SPATS2: variants seen among roughly 807,000 people sequenced by gnomAD.
The protein encoded by SPATS2 is spermatogenesis-associated serine-rich protein 2.
SPATS2 carries 38 observed loss-of-function variants against 63.7 expected under a neutral mutation model. That is an observed-to-expected ratio of 0.60 (90% CI 0.46 to 0.78). SPATS2 has a LOEUF of 0.78. Ranked by LOEUF, SPATS2 falls within the 30% of genes least tolerant of loss-of-function variation. SPATS2 has a pLI of 0.00. For synonymous variants in SPATS2, 207 were observed against 232.9 expected, an observed-to-expected ratio of 0.89 and a Z score of 1.01; for missense variants, 588 against 666.2, an observed-to-expected ratio of 0.88 and a Z score of 1.29.
In SPATS2 at chr12:49,526,131, C is replaced by G. The variant is rs370801278; in HGVS notation, c.1514C>G (p.Thr505Ser). The G allele has an allele frequency of 1.9e-6, 3 of 1,614,082 alleles. No homozygotes were observed. The highest frequency in any genetic ancestry group is 2.5e-6 in the Non-Finnish European group (3 of 1,180,058). The change falls in exon 14 of 14, where the codon ACT becomes AGT. Residue 505 changes from threonine to serine, a missense_variant. Coordinates refer to ENST00000552918, the MANE Select transcript of SPATS2 (RefSeq NM_023071.4). ...GGAAACACCATTGAAAGAGGCCAGA[C>G]TCACTCTGCAGGGACCAATGGAACT... is the stretch of plus-strand genomic sequence containing the variant. ...APGNTIERGQ[T>S]HSAGTNGTGV... is the part of the protein sequence containing the mutation.
chr12:49,449,988 G>GAT (rs1945589601), intron 2 of SPATS2, among the ~76,000 whole-genome samples: 1 of 152,018 alleles, frequency 6.6e-6, no homozygotes. Flanking sequence ...TTGTTTGGTG[G>GAT]ATATATATTT....
intron 11 of SPATS2, 86 bp from the exon 12 acceptor site, chr12:49,522,665 A>G: frequency 9.4e-7 from 1 of 1,067,314 alleles, no homozygotes; most frequent in South Asian, 1.6e-5. Flanking sequence ...GACAATTGAA[A>G]ATGATTGTTT....
intron 5 of SPATS2, chr12:49,490,370 A>G (rs953946651): frequency 4.1e-6 from 1 of 244,026 alleles, no homozygotes; most frequent in Non-Finnish European, 7.8e-6. Flanking sequence ...CCAGTGTGCC[A>G]TCCCCTTTGT....
chr12:49,472,611 T>TTATA (rs139641031), intron 3 of SPATS2, among the ~76,000 whole-genome samples: 9,625 of 145,036 alleles, frequency 0.066, 368 homozygotes, highest in South Asian at 0.079. Flanking sequence ...TTTATATATT[T>TTATA]TATATATATA....
chr12:49,439,351 C>A (rs1945375645), intron 2 of SPATS2, among the ~76,000 whole-genome samples: 1 of 152,112 alleles, frequency 6.6e-6, no homozygotes, highest in Non-Finnish European at 1.5e-5. Context: ...GTGACATGAT[C>A]TGAGTTGTTT....
At chr12:49,494,701 CTTTCTTTTCT>C (rs760927933) in intron 6 of SPATS2, 30 bp from the exon 7 acceptor site, 54 of 1,469,350 alleles carry the variant, frequency 3.7e-5, no homozygotes, top group Non-Finnish European at 4.5e-5. Context: ...GGAATCTTTT[CTTTCTTTTCT>C]TTTCTTTTTC....
intron 11 of SPATS2, among the ~76,000 whole-genome samples, 166 bp downstream of exon 11, chr12:49,519,348 C>T (rs1946900298): frequency 6.6e-6 from 1 of 152,182 alleles, no homozygotes; most frequent in Non-Finnish European, 1.5e-5. Context: ...ATCATCTACC[C>T]AGTTGTCCCA....
At chr12:49,450,151 C>G (rs1324152633) in intron 2 of SPATS2, among the ~76,000 whole-genome samples, 3 of 151,446 alleles carry the variant, frequency 2.0e-5, no homozygotes, top group African/African-American at 7.3e-5. Context: ...GTGTTTGAAT[C>G]TATGGTGTGT....
chr12:49,445,805 G>A (rs370256204), intron 2 of SPATS2, among the ~76,000 whole-genome samples: 6 of 152,094 alleles, frequency 3.9e-5, no homozygotes, highest in South Asian at 2.1e-4. Flanking sequence ...ATAGACAGGC[G>A]TGAGCCATCG....
Position 49,493,903 on chromosome 12 carries a change from A to G in SPATS2, c.265-838A>G, listed in dbSNP as rs1366849779. ...AGCTTATTCCATGTCTCAATATATA[A>G]AGAGCTTTCTTGTTTTTATGGATAC... On this transcript the variant is annotated intron_variant, in intron 6 of 13. Coordinates refer to ENST00000552918, the MANE Select transcript of SPATS2 (RefSeq NM_023071.4). Among the ~76,000 whole-genome samples the G allele has an allele frequency of 2.0e-5, 3 of 152,214 alleles. No individual in the cohort carries two copies. The East Asian group carries it at 5.8e-4, about 29-fold the overall frequency.
chr12:49,484,252 T>G (rs1946252557), intron 3 of SPATS2, among the ~76,000 whole-genome samples: 1 of 152,240 alleles, frequency 6.6e-6, no homozygotes, highest in Non-Finnish European at 1.5e-5. Flanking sequence ...TCTTTAGTGT[T>G]AAATTTTACC....
intron 8 of SPATS2, among the ~76,000 whole-genome samples, chr12:49,498,484 G>A (rs1946506538): frequency 6.6e-6 from 1 of 152,032 alleles, no homozygotes; most frequent in Admixed American, 6.6e-5. Flanking sequence ...ATTTTGTAAT[G>A]TCCACATGGT....
chr12:49,458,731 C>CTT, intron 2 of SPATS2, among the ~76,000 whole-genome samples: 1 of 142,936 alleles, frequency 7.0e-6, no homozygotes, highest in African/African-American at 2.6e-5. Flanking sequence ...AATTCCATCT[C>CTT]GTTTTTTTTT....
At chr12:49,400,452 T>C (rs1364705894) in intron 2 of SPATS2, among the ~76,000 whole-genome samples, 1 of 152,184 alleles carries the variant, frequency 6.6e-6, no homozygotes, top group Non-Finnish European at 1.5e-5. Flanking sequence ...AGTATGTTTC[T>C]ACAGTGCTGA....
intron 7 of SPATS2, among the ~76,000 whole-genome samples, chr12:49,496,441 C>T (rs990874437): frequency 1.3e-5 from 2 of 152,130 alleles, no homozygotes; most frequent in Admixed American, 6.6e-5. Flanking sequence ...CTTCTTTCCT[C>T]GAGAGAGTTT....
chr12:49,489,338 C>G (rs1391127646), intron 4 of SPATS2, 127 bp from the exon 5 acceptor site: 2 of 602,854 alleles, frequency 3.3e-6, no homozygotes, highest in Non-Finnish European at 5.7e-6. Context: ...TGTACTGTCA[C>G]TGACACTAAA....
At chr12:49,462,390 C>G in intron 3 of SPATS2, 1 of 702,416 alleles carries the variant, frequency 1.4e-6, no homozygotes, top group Non-Finnish European at 2.6e-6. Context: ...AGCATCCAGG[C>G]TGTGGGGTGC....
chr12:49,377,316 T>A lies in SPATS2; in HGVS notation c.-244+6026T>A, dbSNP rs1944124825. On this transcript the variant is annotated intron_variant, in intron 2 of 13. Coordinates refer to ENST00000552918, the MANE Select transcript of SPATS2 (RefSeq NM_023071.4). The stretch of plus-strand genomic sequence containing the variant: ...ATATTATTATATGATATTATTGTAA[T>A]TTGGGAGCACAGGGAACAATGCGTA... Among the ~76,000 whole-genome samples, 3 of 152,172 alleles carry A rather than the reference T, an allele frequency of 2.0e-5. No individual in the cohort carries two copies. The South Asian group carries it at 6.2e-4, about 31-fold the overall frequency.
chr12:49,438,087 A>G (rs985858636), intron 2 of SPATS2, among the ~76,000 whole-genome samples: 4 of 152,168 alleles, frequency 2.6e-5, no homozygotes, highest in African/African-American at 9.7e-5. Context: ...TTCCCCACCA[A>G]GACAGTTCCC....
Sources: gnomAD v4.1 joint callset for allele counts (sites outside exome capture counted in the v4.1 genomes callset) on GRCh38, gnomAD v4.1.1 for gene constraint, MANE v1.5 for transcripts, NCBI Gene and HGNC (gene_info 2026-07-23, HGNC 2026-07-21) for gene names.